The following SRGAP3 variants were observed in gnomAD, a reference collection of about 807,000 sequenced individuals.
SRGAP3 encodes the protein SLIT-ROBO Rho GTPase-activating protein 3.
SRGAP3 carries 39 observed loss-of-function variants against 121.1 expected under a neutral mutation model. The observed-to-expected ratio is 0.32, with a 90% CI of 0.25 to 0.42. The LOEUF (loss-of-function observed/expected upper bound fraction) is 0.42. Ranked by LOEUF, SRGAP3 falls within the 10% of genes least tolerant of loss-of-function variation. SRGAP3 has a pLI of 1.00. For missense variants in SRGAP3, 1,213 were observed against 1,470.6 expected (o/e 0.82, Z 2.86); for synonymous variants, 601 against 570.0 (o/e 1.05, Z -0.77).
At chr3:9,330,491 T>C (rs2125285870) in intron 2 of SRGAP3, 1 of 165,124 alleles carries the variant, frequency 6.1e-6, no homozygotes, top group Non-Finnish European at 1.4e-5. Context: ...CCAGCCACTC[T>C]GAGAGATCAA....
intron 3 of SRGAP3, among the ~76,000 whole-genome samples, chr3:9,301,688 A>C (rs1398955015): frequency 1.3e-5 from 2 of 152,162 alleles, no homozygotes; most frequent in African/African-American, 4.8e-5. Flanking sequence ...TAGAATATTG[A>C]GTAGTAGTAA....
chr3:9,153,988 TC>T (rs1294578337), intron 1 of SRGAP3, among the ~76,000 whole-genome samples: 2 of 149,952 alleles, frequency 1.3e-5, no homozygotes, highest in Admixed American at 1.3e-4. Flanking sequence ...CCCACCCACG[TC>T]CCCTCCACTT....
chr3:9,283,055 C>T (rs1406250084), intron 3 of SRGAP3, among the ~76,000 whole-genome samples: 2 of 152,056 alleles, frequency 1.3e-5, no homozygotes, highest in Non-Finnish European at 2.9e-5. Context: ...ATTCTCCCGC[C>T]TCAGCCTCCC....
intron 3 of SRGAP3, among the ~76,000 whole-genome samples, chr3:9,262,314 T>C (rs1446405962): frequency 1.3e-5 from 2 of 151,786 alleles, no homozygotes; most frequent in Non-Finnish European, 2.9e-5. Flanking sequence ...ATACGCAAAA[T>C]AACCAGCTAG....
rs1423476605 is a variant in SRGAP3 at position 9,242,756 on chromosome 3, C to G, written c.67+6129G>C. 2.6e-5 allele frequency among the ~76,000 whole-genome samples: 4 copies of G among 152,344 alleles called. No individual in the cohort carries two copies. In the East Asian group the frequency reaches 7.7e-4, roughly 29 times the overall value. Reference sequence around the variant, plus strand: ...CCGGAGTACAGTGGTATGATCATGGCTGACTGCAGCCTTGAACTCCTGGGC... The same window carrying G: ...CCGGAGTACAGTGGTATGATCATGGGTGACTGCAGCCTTGAACTCCTGGGC... On this transcript the variant is annotated intron_variant, in intron 1 of 21. Transcript: ENST00000383836.
intron 9 of SRGAP3, 84 bp from the exon 10 acceptor site, chr3:9,047,559 C>G (rs1945351441): frequency 1.4e-6 from 2 of 1,386,752 alleles, no homozygotes; most frequent in East Asian, 4.7e-5. Flanking sequence ...CTCTGGGACA[C>G]GGAAGCCGAA....
intron 18 of SRGAP3, among the ~76,000 whole-genome samples, chr3:9,001,604 G>A (rs1162233413): frequency 6.6e-6 from 1 of 152,080 alleles, no homozygotes; most frequent in Non-Finnish European, 1.5e-5. Flanking sequence ...TATCAAATGT[G>A]AATGGATTAA....
chr3:9,167,451 C>T (rs538899480), intron 1 of SRGAP3, among the ~76,000 whole-genome samples: 2 of 152,228 alleles, frequency 1.3e-5, no homozygotes, highest in Non-Finnish European at 2.9e-5. Context: ...CCTGCAGCAA[C>T]CCTCCCCAGG....
At chr3:9,183,756 A>C (rs1038475557) in intron 1 of SRGAP3, among the ~76,000 whole-genome samples, 8 of 126,688 alleles carry the variant, frequency 6.3e-5, no homozygotes, top group Admixed American at 2.6e-4. Context: ...GTACTAAAAC[A>C]CAAATTTGCT....
At chr3:9,220,442 G>T (rs920113562) in intron 1 of SRGAP3, among the ~76,000 whole-genome samples, 1 of 152,148 alleles carries the variant, frequency 6.6e-6, no homozygotes, top group Non-Finnish European at 1.5e-5. Flanking sequence ...TGCAGCTCCT[G>T]GGTCCTCAGA....
At chr3:9,193,591 G>A (rs1293013981) in intron 1 of SRGAP3, 2 of 152,320 alleles carry the variant, frequency 1.3e-5, no homozygotes, top group African/African-American at 2.4e-5. Flanking sequence ...CTGGGGAGGT[G>A]GGACTAAGAT....
chr3:9,153,380 T>C (rs562568180), intron 1 of SRGAP3, among the ~76,000 whole-genome samples: 4 of 152,288 alleles, frequency 2.6e-5, no homozygotes, highest in South Asian at 4.2e-4. Context: ...ATTATCTCCA[T>C]TTTACAGATT....
At chr3:9,199,249 G>A (rs767962543) in intron 1 of SRGAP3, among the ~76,000 whole-genome samples, 5 of 152,194 alleles carry the variant, frequency 3.3e-5, no homozygotes, top group Admixed American at 1.3e-4. Context: ...ACTCACACGC[G>A]CTACCTCTCT....
intron 3 of SRGAP3, among the ~76,000 whole-genome samples, chr3:9,309,471 C>T (rs1955208740): frequency 6.6e-6 from 1 of 152,218 alleles, no homozygotes; most frequent in Admixed American, 6.5e-5. Context: ...TAACATTACA[C>T]TGCTTTAGAG....
Position 9,242,162 on chromosome 3 carries a change from A to G in SRGAP3, c.67+6723T>C, listed in dbSNP as rs183633893. Among the ~76,000 whole-genome samples, 9 of 151,952 alleles carry G rather than the reference A, an allele frequency of 5.9e-5. No individual in the cohort carries two copies. The East Asian group carries it at 1.7e-3, about 29-fold the overall frequency. On this transcript the variant is annotated intron_variant, in intron 1 of 21. Transcript: ENST00000383836. The stretch of plus-strand genomic sequence containing the variant: ...TAAGCATACACTAAGGAAAGGCCAG[A>G]TGAGCACATGGCTAAAGGCAGCTGT...
chr3:9,021,632 A>G (rs1416797144), intron 14 of SRGAP3, among the ~76,000 whole-genome samples: 1 of 152,240 alleles, frequency 6.6e-6, no homozygotes, highest in Non-Finnish European at 1.5e-5. Flanking sequence ...GCTCAAGGAA[A>G]AGAAAACCAT....
At chr3:9,032,872 C>T (rs1574946598) in intron 11 of SRGAP3, 120 bp from the exon 12 acceptor site, 1 of 878,262 alleles carries the variant, frequency 1.1e-6, no homozygotes, top group Non-Finnish European at 1.8e-6. Flanking sequence ...AAGCCCCTGA[C>T]CCCCCGCCAA....
chr3:9,178,416 G>A (rs1332357875), intron 1 of SRGAP3, among the ~76,000 whole-genome samples: 1 of 152,220 alleles, frequency 6.6e-6, no homozygotes, highest in Non-Finnish European at 1.5e-5. Flanking sequence ...TGATGGTACC[G>A]TGTGAACCTC....
intron 3 of SRGAP3, among the ~76,000 whole-genome samples, chr3:9,083,655 T>C (rs1231983855): frequency 6.6e-6 from 1 of 152,246 alleles, no homozygotes; most frequent in Non-Finnish European, 1.5e-5. Context: ...CTCCAGCATC[T>C]TATTATCTCA....
Sources: gnomAD v4.1 joint callset for allele counts (sites outside exome capture counted in the v4.1 genomes callset) on GRCh38, gnomAD v4.1.1 for gene constraint, MANE v1.5 for transcripts, NCBI Gene and HGNC (gene_info 2026-07-23, HGNC 2026-07-21) for gene names.